Variants in DOCK3 observed in about 807,000 individuals in gnomAD.
DOCK3 encodes dedicator of cytokinesis 3.
Under a neutral mutation model 265.6 loss-of-function variants are expected in DOCK3, and 60 were observed. The observed-to-expected ratio is 0.23, with a 90% CI of 0.18 to 0.28. The LOEUF is 0.28. DOCK3 is among the 10% of genes least tolerant of loss of function. DOCK3 has a pLI of 1.00. For synonymous variants in DOCK3, 881 were observed against 938.0 expected (o/e 0.94, Z 1.11); for missense variants, 1,981 against 2,594.3 (o/e 0.76, Z 5.14).
In DOCK3 at chr3:51,097,245, G is replaced by C. The variant is rs184431956; in HGVS notation, c.746+6861G>C. 2.4e-3 allele frequency among the ~76,000 whole-genome samples: 359 copies of C among 152,304 alleles called. 3 individuals are homozygous for C. The highest frequency in any genetic ancestry group is 8.3e-3 in the African/African-American group (346 of 41,550). On this transcript the variant is annotated intron_variant, in intron 9 of 52. Transcript: ENST00000266037. ...CCAGGTGCTCTGTCCCAGGGAGATG[G>C]GAGTTTGTTCTGTAAGGCCCTGACT...
intron 1 of DOCK3, among the ~76,000 whole-genome samples, chr3:50,700,006 G>A (rs964195409): frequency 5.3e-5 from 8 of 152,096 alleles, no homozygotes; most frequent in Admixed American, 4.6e-4. Context: ...TTTCTGGAAG[G>A]GAGTGGTGGC....
At chr3:51,205,402 C>G (rs968171332) in intron 12 of DOCK3, among the ~76,000 whole-genome samples, 16 of 151,802 alleles carry the variant, frequency 1.1e-4, no homozygotes, top group Admixed American at 9.2e-4. Context: ...ATTTTAAAAA[C>G]TGAACAATTG....
At chr3:51,208,503 A>G (rs2108134321) in intron 12 of DOCK3, among the ~76,000 whole-genome samples, 1 of 152,338 alleles carries the variant, frequency 6.6e-6, no homozygotes, top group Admixed American at 6.5e-5. Context: ...GAAAAGAAAC[A>G]ACTTTTCATG....
intron 12 of DOCK3, among the ~76,000 whole-genome samples, chr3:51,178,987 T>C (rs1168396998): frequency 1.3e-5 from 2 of 152,174 alleles, no homozygotes; most frequent in South Asian, 2.1e-4. Context: ...TAATAGACCA[T>C]GCTTTTAACC....
chr3:50,901,298 C>T (rs1173585165), intron 4 of DOCK3, among the ~76,000 whole-genome samples: 1 of 152,152 alleles, frequency 6.6e-6, no homozygotes, highest in Non-Finnish European at 1.5e-5. Context: ...CTACTCAAGC[C>T]TTAGTAATGG....
chr3:50,684,657 T>C (rs929607380), intron 1 of DOCK3, among the ~76,000 whole-genome samples: 1 of 152,334 alleles, frequency 6.6e-6, no homozygotes, highest in South Asian at 2.1e-4. Flanking sequence ...GGGATGCAGT[T>C]TGAACTTATC....
chr3:50,879,714 C>G (rs2047926343), intron 3 of DOCK3, among the ~76,000 whole-genome samples: 1 of 152,292 alleles, frequency 6.6e-6, no homozygotes, highest in South Asian at 2.1e-4. Flanking sequence ...CAACATTAGA[C>G]AGATCAACGA....
At chr3:50,850,062 G>A (rs924138861) in intron 3 of DOCK3, among the ~76,000 whole-genome samples, 5 of 151,462 alleles carry the variant, frequency 3.3e-5, no homozygotes, top group South Asian at 4.2e-4. Context: ...TATCTCTTCC[G>A]TCATTGCTTG....
intron 5 of DOCK3, among the ~76,000 whole-genome samples, chr3:50,955,098 C>A (rs1441412303): frequency 6.6e-6 from 1 of 152,018 alleles, no homozygotes; most frequent in African/African-American, 2.4e-5. Flanking sequence ...TGTCACTGAT[C>A]ATTAGATAAA....
intron 9 of DOCK3, among the ~76,000 whole-genome samples, chr3:51,101,687 T>C (rs2083096261): frequency 6.6e-6 from 1 of 152,178 alleles, no homozygotes; most frequent in Admixed American, 6.5e-5. Flanking sequence ...ATTTATCAAA[T>C]GAACAAATGA....
chr3:50,758,146 C>T (rs2040287393), intron 1 of DOCK3, among the ~76,000 whole-genome samples: 1 of 132,022 alleles, frequency 7.6e-6, no homozygotes, highest in South Asian at 2.4e-4. Context: ...CCACTGCACT[C>T]CAGTCTGGGC....
chr3:50,963,794 G>A (rs946960989), intron 5 of DOCK3, among the ~76,000 whole-genome samples: 1 of 152,190 alleles, frequency 6.6e-6, no homozygotes, highest in African/African-American at 2.4e-5. Context: ...GAATTCAAGG[G>A]AAATCCAGTG....
chr3:51,049,101 A>G (rs1309138206), intron 5 of DOCK3, among the ~76,000 whole-genome samples: 3 of 152,158 alleles, frequency 2.0e-5, no homozygotes, highest in Admixed American at 6.5e-5. Context: ...CCAGGCAGGC[A>G]GATTCCTTGA....
intron 2 of DOCK3, among the ~76,000 whole-genome samples, chr3:50,793,510 C>T (rs2042604658): frequency 6.6e-6 from 1 of 151,932 alleles, no homozygotes; most frequent in African/African-American, 2.4e-5. Flanking sequence ...GCATGTGCCA[C>T]CACACCCAGC....
At chr3:51,187,430 T>C (rs1297952969) in intron 12 of DOCK3, among the ~76,000 whole-genome samples, 1 of 152,182 alleles carries the variant, frequency 6.6e-6, no homozygotes. Context: ...GGGACTTGCT[T>C]TGGCAGAGAT....
intron 4 of DOCK3, among the ~76,000 whole-genome samples, chr3:50,930,684 C>G (rs1017256490): frequency 6.6e-6 from 1 of 152,194 alleles, no homozygotes; most frequent in Non-Finnish European, 1.5e-5. Flanking sequence ...GTGGGCACCT[C>G]TGGGAGTGGA....
At chr3:51,049,504 C>T (rs1313278903) in intron 5 of DOCK3, among the ~76,000 whole-genome samples, 3 of 151,984 alleles carry the variant, frequency 2.0e-5, no homozygotes, top group African/African-American at 7.3e-5. Flanking sequence ...GGTCAGTTTT[C>T]TTTCGAGGGT....
intron 1 of DOCK3, among the ~76,000 whole-genome samples, chr3:50,762,031 T>A (rs1001073968): frequency 1.3e-5 from 2 of 152,092 alleles, no homozygotes; most frequent in Non-Finnish European, 2.9e-5. Context: ...CCGCATGTTC[T>A]CACTCATAGG....
At chr3:50,880,751 G>C (rs905338068) in intron 3 of DOCK3, among the ~76,000 whole-genome samples, 2 of 152,176 alleles carry the variant, frequency 1.3e-5, no homozygotes, top group Non-Finnish European at 2.9e-5. Flanking sequence ...AACGGAAAAA[G>C]TGGGAATCCT....
Sources: gnomAD v4.1 joint callset for allele counts (sites outside exome capture counted in the v4.1 genomes callset) on GRCh38, gnomAD v4.1.1 for gene constraint, MANE v1.5 for transcripts, NCBI Gene and HGNC (gene_info 2026-07-23, HGNC 2026-07-21) for gene names.